ANOS1: variants seen among roughly 807,000 people sequenced by gnomAD.
ANOS1 encodes anosmin 1.
ANOS1 carries 6 observed loss-of-function variants against 59.0 expected under a neutral mutation model. That is an observed-to-expected ratio of 0.10 (90% CI 0.06 to 0.20). ANOS1 has a LOEUF of 0.20. ANOS1 is among the 10% of genes least tolerant of loss of function. ANOS1 has a pLI of 1.00. For missense variants in ANOS1, 433 were observed against 542.3 expected, an observed-to-expected ratio of 0.80 and a Z score of 2.00; for synonymous variants, 217 against 223.4, an observed-to-expected ratio of 0.97 and a Z score of 0.25.
chrX:8,722,487 C>A (rs762543953), intron 1 of ANOS1, among the ~76,000 whole-genome samples: 1 of 111,431 alleles, frequency 9.0e-6, no homozygotes, highest in Admixed American at 9.5e-5. Context: ...ACTTCACTTA[C>A]AATAATGGTC....
chrX:8,565,447 CAA>C (rs1221573742), intron 8 of ANOS1, among the ~76,000 whole-genome samples: 1 of 111,215 alleles, frequency 9.0e-6, no homozygotes, highest in Non-Finnish European at 1.9e-5. Context: ...AGTGGAACTC[CAA>C]AAAGAGAGAG....
rs750662922 is a variant in ANOS1, at chrX:8,557,532, C to T, written c.1208-3434G>A. Among the ~76,000 whole-genome samples the T allele has an allele frequency of 2.1e-3, 235 of 112,341 alleles. 2 individuals carry two copies. The highest frequency in any genetic ancestry group is 3.2e-3 in the Non-Finnish European group (171 of 53,254). ...GGGCAAAGGATATGAACAGACACTT[C>T]TCAAAAGAAGACATTTATGCGGCCA... On this transcript the variant is annotated intron_variant, in intron 8 of 13. Coordinates refer to ENST00000262648, the MANE Select transcript of ANOS1 (RefSeq NM_000216.4).
chrX:8,702,100 G>A (rs756059473), intron 1 of ANOS1, among the ~76,000 whole-genome samples: 6 of 110,675 alleles, frequency 5.4e-5, no homozygotes, highest in Admixed American at 9.7e-5. Context: ...ACTGAGTTCC[G>A]TACGTCCACA....
chrX:8,652,188 C>T (rs751786251), intron 2 of ANOS1, among the ~76,000 whole-genome samples: 2 of 111,321 alleles, frequency 1.8e-5, no homozygotes, highest in African/African-American at 6.5e-5. Flanking sequence ...GTCACTAACA[C>T]CTGGCTTCAG....
intron 2 of ANOS1, among the ~76,000 whole-genome samples, chrX:8,685,467 C>A (rs1484656045): frequency 8.0e-5 from 7 of 87,965 alleles, no homozygotes; most frequent in African/African-American, 2.6e-4. Context: ...AGGGAGGGAA[C>A]AATTGAACAG....
intron 1 of ANOS1, among the ~76,000 whole-genome samples, chrX:8,708,398 A>C (rs904202220): frequency 8.9e-6 from 1 of 111,922 alleles, no homozygotes; most frequent in African/African-American, 3.3e-5. Flanking sequence ...ATCTACAAGG[A>C]ACTTAAACAA....
chrX:8,614,910 A>AAATT (rs1931139181), intron 3 of ANOS1, among the ~76,000 whole-genome samples: 1 of 110,738 alleles, frequency 9.0e-6, no homozygotes, highest in African/African-American at 3.3e-5. Context: ...AAATATAAAA[A>AAATT]TTGAGTCTCA....
intron 12 of ANOS1, among the ~76,000 whole-genome samples, chrX:8,534,751 T>A (rs1929561219): frequency 9.0e-6 from 1 of 111,594 alleles, no homozygotes; most frequent in Admixed American, 9.6e-5. Context: ...TTTTATTTAT[T>A]TTTTTAATTC....
chrX:8,640,013 A>G (rs1200979265), intron 2 of ANOS1, among the ~76,000 whole-genome samples: 1 of 110,627 alleles, frequency 9.0e-6, no homozygotes, highest in East Asian at 2.9e-4. Context: ...GAGTTTATAG[A>G]CCACCTAACA....
At chrX:8,621,891 T>C (rs1382865460) in intron 3 of ANOS1, among the ~76,000 whole-genome samples, 1 of 111,777 alleles carries the variant, frequency 8.9e-6, no homozygotes, top group Non-Finnish European at 1.9e-5. Flanking sequence ...GGGCACATTA[T>C]AGGTATTCAA....
Position 8,532,687 on chromosome X carries a change from C to T in ANOS1, c.*308G>A. On this transcript the variant is annotated 3_prime_UTR_variant, in exon 14 of 14. Transcript: ENST00000262648. ...TTTGGTGCTCCAAATTCAGGGAAAACTGAGTTCTGTTGTAATTCAATAGAA... is the reference window on the plus strand; with the variant it reads ...TTTGGTGCTCCAAATTCAGGGAAAATTGAGTTCTGTTGTAATTCAATAGAA... 1 of 199,254 alleles carries T rather than the reference C, an allele frequency of 5.0e-6. No homozygotes were observed. Among genetic ancestry groups the T allele is most frequent in the East Asian group, 9.0e-5 (1 of 11,170 alleles). The allele number at this position is 199,254 out of a possible 1,213,427, so 16.4% of individuals were successfully genotyped here. A position where few individuals can be genotyped will look rare whatever the true frequency, so the allele number is the denominator to read the frequency against.
chrX:8,568,732 A>T (rs990648197), intron 7 of ANOS1, among the ~76,000 whole-genome samples: 1 of 110,928 alleles, frequency 9.0e-6, no homozygotes, highest in Non-Finnish European at 1.9e-5. Context: ...GGCTGAGGTG[A>T]GAAGATTGAA....
intron 2 of ANOS1, among the ~76,000 whole-genome samples, chrX:8,645,576 T>C (rs183022903): frequency 8.9e-6 from 1 of 111,919 alleles, no homozygotes; most frequent in Non-Finnish European, 1.9e-5. Context: ...TTAAGCTTTG[T>C]TGTTGTTGCT....
At chrX:8,629,821 C>T (rs191305042) in intron 2 of ANOS1, among the ~76,000 whole-genome samples, 5 of 112,166 alleles carry the variant, frequency 4.5e-5, no homozygotes, top group East Asian at 2.8e-4. Context: ...AAGGTTCACA[C>T]GAAATTCAAA....
intron 2 of ANOS1, among the ~76,000 whole-genome samples, chrX:8,658,017 C>T (rs921175371): frequency 1.6e-4 from 18 of 111,489 alleles, no homozygotes; most frequent in African/African-American, 5.9e-4. Context: ...CACTTGAGGG[C>T]AGTTCCCGAG....
intron 2 of ANOS1, among the ~76,000 whole-genome samples, chrX:8,668,267 G>A (rs1177007161): frequency 9.4e-6 from 1 of 106,916 alleles, no homozygotes; most frequent in Non-Finnish European, 1.9e-5. Context: ...CCACTTAGGA[G>A]TGAGAATATA....
chrX:8,590,283 C>T (rs372650257), intron 4 of ANOS1, among the ~76,000 whole-genome samples: 1 of 111,802 alleles, frequency 8.9e-6, no homozygotes, highest in South Asian at 3.7e-4. Context: ...TATCTTTAAA[C>T]CCAGCTTTCC....
At chrX:8,557,896 T>G (rs1396489794) in intron 8 of ANOS1, among the ~76,000 whole-genome samples, 1 of 112,046 alleles carries the variant, frequency 8.9e-6, no homozygotes, top group Non-Finnish European at 1.9e-5. Context: ...GCAGCACTAT[T>G]CACAATAGCA....
At chrX:8,726,512 T>TAC (rs765524350) in intron 1 of ANOS1, among the ~76,000 whole-genome samples, 59 of 111,686 alleles carry the variant, frequency 5.3e-4, no homozygotes, top group African/African-American at 1.8e-3. Context: ...CAGACACACA[T>TAC]ACACACACAT....
Sources: gnomAD v4.1 joint callset for allele counts (sites outside exome capture counted in the v4.1 genomes callset) on GRCh38, gnomAD v4.1.1 for gene constraint, MANE v1.5 for transcripts, NCBI Gene and HGNC (gene_info 2026-07-23, HGNC 2026-07-21) for gene names.